Variants in SLC25A46 observed in about 807,000 individuals in gnomAD.
SLC25A46 encodes mitochondrial outer membrane protein SLC25A46.
A neutral mutation model predicts 44.6 loss-of-function variants in SLC25A46; 39 were observed. That is an observed-to-expected ratio of 0.87 (90% CI 0.68 to 1.14). The LOEUF (loss-of-function observed/expected upper bound fraction) is 1.14. SLC25A46 is among the 50% of genes most tolerant of loss of function. The pLI, the probability that SLC25A46 is intolerant of heterozygous loss-of-function variation, is 0.00. For synonymous variants in SLC25A46, 202 were observed against 185.8 expected, an observed-to-expected ratio of 1.09 and a Z score of -0.71; for missense variants, 547 against 522.7, an observed-to-expected ratio of 1.05 and a Z score of -0.45.
Position 110,743,770 on chromosome 5 carries a change from C to G in SLC25A46, c.367C>G (p.Leu123Val), listed in dbSNP as rs1469120069. 1 of 1,605,408 alleles carries G rather than the reference C, an allele frequency of 6.2e-7. No homozygotes were observed. Among genetic ancestry groups the G allele is most frequent in the Non-Finnish European group, 8.5e-7 (1 of 1,174,746 alleles). Residue 123 changes from leucine (L) to valine (V), a missense_variant, in exon 3 of 8, where the codon CTA (leucine) becomes GTA (valine). Physicochemically the swap from Leu to Val is conservative, Grantham distance 32. Coordinates refer to ENST00000355943, the MANE Select transcript of SLC25A46 (RefSeq NM_138773.4). The stretch of plus-strand genomic sequence containing the variant: ...TGTATTGGCACATCCTTGCATTGTT[C>G]TACGCCGCCAATGTCAGGTAAATGT... Reference protein sequence around the residue: ...ENVLAHPCIVLRRQCQVNYHA... With the variant: ...ENVLAHPCIVVRRQCQVNYHA...
rs1799526747 is a variant in SLC25A46 at position 110,739,111 on chromosome 5, C to T, written c.-9C>T. On this transcript the variant is annotated 5_prime_UTR_variant, in exon 1 of 8. Coordinates refer to ENST00000355943, the MANE Select transcript of SLC25A46 (RefSeq NM_138773.4). ...CCGGGCGGGCTCGCGTCATCCTGCC[C>T]CCGCTGCGATGCATCCGCGGCGCCC... is the stretch of plus-strand genomic sequence containing the variant. 6.5e-7 allele frequency: 1 copy of T among 1,545,270 alleles called. No homozygotes were observed. The highest frequency in any genetic ancestry group is 8.7e-7 in the Non-Finnish European group (1 of 1,146,394).
chr5:110,738,370 A>G (rs754118443), upstream of SLC25A46: 79 of 615,420 alleles, frequency 1.3e-4, no homozygotes, highest in Non-Finnish European at 1.7e-4. Flanking sequence ...AATACGACAG[A>G]AAACTATAGT....
chr5:110,753,012 G>A (rs1426878004), intron 5 of SLC25A46, among the ~76,000 whole-genome samples: 1 of 152,116 alleles, frequency 6.6e-6, no homozygotes, highest in Non-Finnish European at 1.5e-5. Context: ...CCAACAGAAT[G>A]GGCTAGTGGA....
intron 7 of SLC25A46, among the ~76,000 whole-genome samples, chr5:110,760,908 C>T (rs1167399525): frequency 6.6e-6 from 1 of 152,048 alleles, no homozygotes; most frequent in Non-Finnish European, 1.5e-5. Flanking sequence ...TTAAGCGTTA[C>T]ATAGTTATTG....
chr5:110,750,481 C>T (rs758776440), intron 5 of SLC25A46, among the ~76,000 whole-genome samples: 3 of 152,022 alleles, frequency 2.0e-5, no homozygotes, highest in Non-Finnish European at 4.4e-5. Flanking sequence ...TCCAGGACCC[C>T]CAGTGGATAC....
chr5:110,753,759 T>C (rs147767756), intron 5 of SLC25A46: 2 of 152,080 alleles, frequency 1.3e-5, no homozygotes, highest in African/African-American at 2.4e-5. Flanking sequence ...GAATTGGCAG[T>C]AGTCATCAAA....
At chr5:110,760,422 G>A (rs1363906859) in intron 7 of SLC25A46, among the ~76,000 whole-genome samples, 1 of 151,958 alleles carries the variant, frequency 6.6e-6, no homozygotes, top group African/African-American at 2.4e-5. Flanking sequence ...ATTATGTCAT[G>A]TCCGTCTTCT....
intron 5 of SLC25A46, 22 bp from the exon 6 acceptor site, chr5:110,755,443 T>G (rs1215124142): frequency 3.4e-6 from 5 of 1,449,872 alleles, no homozygotes; most frequent in African/African-American, 1.4e-5. Context: ...TTGTTTTATT[T>G]AAGTTTATTT....
chr5:110,746,995 T>C (rs1000652983), intron 4 of SLC25A46, among the ~76,000 whole-genome samples: 1 of 152,144 alleles, frequency 6.6e-6, no homozygotes, highest in Non-Finnish European at 1.5e-5. Context: ...CACTACTAGA[T>C]CTTAAAAGCT....
At chr5:110,748,325 C>A (rs564184352) in intron 5 of SLC25A46, 62 bp downstream of exon 5, 47 of 1,336,106 alleles carry the variant, frequency 3.5e-5, no homozygotes, top group Non-Finnish European at 4.7e-5. Flanking sequence ...TAGATGCAGG[C>A]GGTACATGTG....
At position 110,761,649 on chromosome 5, in the gene SLC25A46, C is replaced by A. The variant is rs773248711; in HGVS notation, c.1124C>A (p.Thr375Asn). 11 of 1,613,442 alleles carry A rather than the reference C, an allele frequency of 6.8e-6. No individual in the cohort carries two copies. The highest frequency in any genetic ancestry group is 8.5e-7 in the Non-Finnish European group (1 of 1,179,720). Residue 375 changes from threonine (T) to asparagine (N), a missense_variant, in exon 8 of 8, where the codon ACC (threonine) becomes AAC (asparagine). Coordinates refer to ENST00000355943, the MANE Select transcript of SLC25A46 (RefSeq NM_138773.4). The surrounding 1 kb of genome is among the most constrained non-coding windows in gnomAD (Gnocchi z 5.3). ...QYEGMRDCINTIRQEEGVFGF... is the reference protein window; with the variant it reads ...QYEGMRDCINNIRQEEGVFGF... ...GAGGGAATGAGAGACTGTATCAATA[C>A]CATAAGGCAGGAGGAAGGAGTGTTT...
Position 110,748,182 on chromosome 5 carries a change from A to C in SLC25A46, c.482A>C (p.Lys161Thr), listed in dbSNP as rs1208661969. ...NKTQGPRALW[K>T]GMGSTFIVQG... ...ATTTAGGGACCTAGAGCCCTGTGGA[A>C]AGGAATGGGAAGTACATTTATTGTC... The change falls in exon 5 of 8, where the codon AAA (lysine) becomes ACA (threonine). Residue 161 changes from lysine (K) to threonine (T), a missense_variant. Transcript: ENST00000355943. 6.2e-7 allele frequency: 1 copy of C among 1,613,252 alleles called. No homozygotes were observed. Among genetic ancestry groups the C allele is most frequent in the East Asian group, 2.2e-5 (1 of 44,834 alleles).
chr5:110,758,514 T>G (rs2150417209), intron 7 of SLC25A46, among the ~76,000 whole-genome samples: 2 of 152,242 alleles, frequency 1.3e-5, no homozygotes, highest in Non-Finnish European at 2.9e-5. Flanking sequence ...TCATGAACTT[T>G]GTAGTTATCT....
Position 110,762,348 on chromosome 5 carries a change from C to CTA in SLC25A46, c.*574_*575dup, listed in dbSNP as rs1306958739. On this transcript the variant is annotated 3_prime_UTR_variant, in exon 8 of 8. Coordinates refer to ENST00000355943, the MANE Select transcript of SLC25A46 (RefSeq NM_138773.4). ...TGTCCCTATGTAACTATCTTAATGG[C>CTA]TATATATATGTATTTTATAAAGCCA... The CTA allele has an allele frequency of 6.6e-6, 1 of 152,128 alleles. No homozygotes were observed. The allele number at this position is 152,128 out of a possible 1,614,324, so 9.4% of individuals were successfully genotyped here.
chr5:110,748,193 A>G lies in SLC25A46; in HGVS notation c.493A>G (p.Ser165Gly). 6.2e-7 allele frequency: 1 copy of G among 1,613,552 alleles called. No homozygotes were observed. The highest frequency in any genetic ancestry group is 8.5e-7 in the Non-Finnish European group (1 of 1,179,558). ...GPRALWKGMG[S>G]TFIVQGVTLG... ...TAGAGCCCTGTGGAAAGGAATGGGAAGTACATTTATTGTCCAGGGAGTCAC... is the reference window on the plus strand; with the variant it reads ...TAGAGCCCTGTGGAAAGGAATGGGAGGTACATTTATTGTCCAGGGAGTCAC... The change falls in exon 5 of 8, where the codon AGT becomes GGT. Residue 165 changes from serine (S) to glycine (G), a missense_variant. Physicochemically the swap from Ser to Gly is moderately conservative, Grantham distance 56. Coordinates refer to ENST00000355943, the MANE Select transcript of SLC25A46 (RefSeq NM_138773.4).
intron 6 of SLC25A46, among the ~76,000 whole-genome samples, chr5:110,756,349 A>G (rs1800112093): frequency 2.0e-5 from 3 of 151,986 alleles, no homozygotes; most frequent in Admixed American, 2.0e-4. Context: ...CAGAAAAGTT[A>G]CTTGCTCAAA....
At chr5:110,745,551 C>A (rs759375536) in intron 3 of SLC25A46, 4 of 152,164 alleles carry the variant, frequency 2.6e-5, no homozygotes, top group Non-Finnish European at 4.4e-5. Flanking sequence ...CTGCGCCCGT[C>A]CTGTTATAAC....
intron 1 of SLC25A46, among the ~76,000 whole-genome samples, chr5:110,740,811 G>A (rs1799661028): frequency 6.6e-6 from 1 of 152,162 alleles, no homozygotes; most frequent in Admixed American, 6.5e-5. Context: ...AATTAGCCGG[G>A]CGTGGTGGCG....
intron 1 of SLC25A46, among the ~76,000 whole-genome samples, chr5:110,740,694 G>T (rs1327458947): frequency 6.6e-6 from 1 of 152,216 alleles, no homozygotes; most frequent in Non-Finnish European, 1.5e-5. Context: ...GCTCACGCCT[G>T]TAATCCTAGC....
Sources: gnomAD v4.1 joint callset for allele counts (sites outside exome capture counted in the v4.1 genomes callset) on GRCh38, gnomAD v4.1.1 for gene constraint, Gnocchi (gnomAD v3.1) non-coding constraint, MANE v1.5 for transcripts, NCBI Gene and HGNC (gene_info 2026-07-23, HGNC 2026-07-21) for gene names.